PTPRT: variants seen among roughly 807,000 people sequenced by gnomAD.
The protein encoded by PTPRT is receptor-type tyrosine-protein phosphatase T.
A neutral mutation model predicts 176.8 loss-of-function variants in PTPRT; 56 were observed. The ratio of observed to expected loss-of-function variants is 0.32; its 90% CI spans 0.26 to 0.40. PTPRT has a LOEUF of 0.40. PTPRT is among the 10% of genes least tolerant of loss of function. The pLI is 1.00. For missense variants in PTPRT, 1,540 were observed against 1,908.2 expected, an observed-to-expected ratio of 0.81 and a Z score of 3.60; for synonymous variants, 783 against 739.0, an observed-to-expected ratio of 1.06 and a Z score of -0.96.
chr20:42,458,719 A>G (rs766858068), intron 8 of PTPRT, among the ~76,000 whole-genome samples: 2 of 152,154 alleles, frequency 1.3e-5, no homozygotes, highest in East Asian at 1.9e-4. Context: ...CATAGAAGCT[A>G]TATCTTCTCA....
intron 7 of PTPRT, among the ~76,000 whole-genome samples, chr20:42,475,875 C>G (rs1237709807): frequency 2.0e-5 from 3 of 152,178 alleles, no homozygotes; most frequent in Non-Finnish European, 2.9e-5. Context: ...AGCAAAGAGA[C>G]TCTTTGAGAC....
chr20:42,296,442 T>A (rs1699422953), intron 12 of PTPRT, among the ~76,000 whole-genome samples: 1 of 70,280 alleles, frequency 1.4e-5, no homozygotes, highest in African/African-American at 6.9e-5. Flanking sequence ...CGAGACTCTG[T>A]CTCAAAAAAA....
intron 16 of PTPRT, among the ~76,000 whole-genome samples, chr20:42,178,136 C>T (rs1447983041): frequency 3.3e-5 from 5 of 152,118 alleles, no homozygotes; most frequent in Admixed American, 1.3e-4. Context: ...TAAGATTTCA[C>T]TGTGTTGGCC....
chr20:43,177,877 CAAATTAAT>C lies in PTPRT; in HGVS notation c.88+11761_88+11768del, dbSNP rs1173436546. On this transcript the variant is annotated intron_variant, in intron 1 of 30. Coordinates refer to ENST00000373187, the MANE Select transcript of PTPRT (RefSeq NM_007050.6). ...GGCAGCAGTAACTTTGAAATTTGTT[CAAATTAAT>C]TGCACTTTTCCAACAAAAATGGTGT... 3.9e-5 allele frequency among the ~76,000 whole-genome samples: 6 copies of C among 152,280 alleles called. No homozygotes were observed. In the East Asian group the frequency reaches 1.2e-3, roughly 29 times the overall value.
intron 7 of PTPRT, among the ~76,000 whole-genome samples, chr20:42,634,377 T>C (rs547692301): frequency 8.3e-4 from 125 of 150,758 alleles, no homozygotes; most frequent in African/African-American, 3.0e-3. Flanking sequence ...AGCTCCATGA[T>C]AGAGATGACA....
At chr20:42,974,491 A>C (rs1982830749) in intron 1 of PTPRT, among the ~76,000 whole-genome samples, 1 of 152,124 alleles carries the variant, frequency 6.6e-6, no homozygotes. Flanking sequence ...ACACACACAC[A>C]TAATCATACA....
rs113752924 is a variant in PTPRT at position 42,780,418 on chromosome 20, C to T, written c.487-119G>A. 2.2e-5 allele frequency: 16 copies of T among 731,692 alleles called. No homozygotes were observed. In the African/African-American group the frequency reaches 2.3e-4, roughly 10 times the overall value. The allele number at this position is 731,692 out of a possible 1,614,324, so 45.3% of individuals were successfully genotyped here. The stretch of plus-strand genomic sequence containing the variant: ...TTCCCATCAGAAGCAACCCAAGAAA[C>T]CTTCTGTTAAGACAGCACGCTACCC... On this transcript the variant is annotated intron_variant, in intron 3 of 30. Coordinates refer to ENST00000373187, the MANE Select transcript of PTPRT (RefSeq NM_007050.6).
At chr20:43,018,984 T>G (rs1985509880) in intron 1 of PTPRT, among the ~76,000 whole-genome samples, 1 of 152,222 alleles carries the variant, frequency 6.6e-6, no homozygotes, top group African/African-American at 2.4e-5. Flanking sequence ...TCTTCAAAAT[T>G]TATCTTACTG....
intron 1 of PTPRT, among the ~76,000 whole-genome samples, chr20:43,039,356 TA>T (rs534437792): frequency 0.11 from 13,674 of 124,020 alleles, 697 homozygotes; most frequent in African/African-American, 0.19. Context: ...AATAAAATGA[TA>T]AAAAAAAAAC....
chr20:42,047,023 C>T, the PTPRT span, among the ~76,000 whole-genome samples: 2 of 152,346 alleles, frequency 1.3e-5, no homozygotes, highest in African/African-American at 4.8e-5. Flanking sequence ...GGGTTCTGCA[C>T]TGTGCCATGT....
intron 1 of PTPRT, among the ~76,000 whole-genome samples, chr20:42,945,990 C>T (rs968302536): frequency 1.4e-4 from 21 of 152,150 alleles, no homozygotes; most frequent in African/African-American, 4.8e-4. Flanking sequence ...CAATACGCAA[C>T]CTTCTGTGTT....
intron 1 of PTPRT, among the ~76,000 whole-genome samples, chr20:43,098,494 A>G (rs2012257386): frequency 6.6e-6 from 1 of 152,092 alleles, no homozygotes; most frequent in South Asian, 2.1e-4. Flanking sequence ...TTAAATAAGA[A>G]GCGCTCCCTC....
chr20:42,110,024 C>A (rs1376265925), intron 23 of PTPRT, among the ~76,000 whole-genome samples: 4 of 151,510 alleles, frequency 2.6e-5, no homozygotes, highest in Non-Finnish European at 5.9e-5. Flanking sequence ...TGCAGAGGCA[C>A]ACTAGGGTAG....
chr20:43,167,577 A>G (rs1299476588), intron 1 of PTPRT, among the ~76,000 whole-genome samples: 1 of 152,230 alleles, frequency 6.6e-6, no homozygotes, highest in African/African-American at 2.4e-5. Flanking sequence ...ACTAGCTTCT[A>G]AGCAACAGAG....
At chr20:42,822,412 A>G (rs909310686) in intron 2 of PTPRT, among the ~76,000 whole-genome samples, 9 of 152,248 alleles carry the variant, frequency 5.9e-5, no homozygotes, top group African/African-American at 1.9e-4. Context: ...AAGATAGATT[A>G]AAGACTTAAA....
At chr20:43,186,078 G>A (rs1466834266) in intron 1 of PTPRT, among the ~76,000 whole-genome samples, 1 of 152,190 alleles carries the variant, frequency 6.6e-6, no homozygotes, top group Non-Finnish European at 1.5e-5. Context: ...CTCCTCTTGG[G>A]ACAAAGTGCC....
chr20:42,392,102 A>G (rs1057457720), intron 9 of PTPRT, among the ~76,000 whole-genome samples: 4 of 151,992 alleles, frequency 2.6e-5, no homozygotes, highest in East Asian at 1.9e-4. Context: ...TCCCTACCTC[A>G]CAGTTAATTT....
chr20:42,741,585 A>G (rs2076611550), intron 6 of PTPRT, among the ~76,000 whole-genome samples: 1 of 152,076 alleles, frequency 6.6e-6, no homozygotes, highest in African/African-American at 2.4e-5. Context: ...ACCTCAGGTG[A>G]TCCACCTGAC....
At chr20:42,189,894 C>T (rs545721305) in intron 16 of PTPRT, among the ~76,000 whole-genome samples, 1 of 152,246 alleles carries the variant, frequency 6.6e-6, no homozygotes, top group South Asian at 2.1e-4. Flanking sequence ...ATATTCTTCT[C>T]TAAAACTTGT....
Sources: gnomAD v4.1 joint callset for allele counts (sites outside exome capture counted in the v4.1 genomes callset) on GRCh38, gnomAD v4.1.1 for gene constraint, MANE v1.5 for transcripts, NCBI Gene and HGNC (gene_info 2026-07-23, HGNC 2026-07-21) for gene names.